The following CCDC60 variants were observed in gnomAD, a reference collection of about 807,000 sequenced individuals.
CCDC60 encodes the protein coiled-coil domain containing 60, also known as coiled-coil domain-containing protein 60.
A neutral mutation model predicts 63.5 loss-of-function variants in CCDC60; 54 were observed. The observed-to-expected ratio is 0.85, with a 90% CI of 0.68 to 1.07. The LOEUF is 1.07. Among genes scored for constraint, CCDC60 ranks in the 50% least tolerant of loss-of-function variants. The probability of loss-of-function intolerance (pLI) is 0.00; values close to 1 mark genes in which losing one functional copy is unlikely to be tolerated. For synonymous variants in CCDC60, 206 were observed against 238.8 expected (o/e 0.86, Z 1.27); for missense variants, 651 against 684.3 (o/e 0.95, Z 0.54).
At chr12:119,349,953 C>T (rs901009499) in intron 1 of CCDC60, among the ~76,000 whole-genome samples, 2 of 152,126 alleles carry the variant, frequency 1.3e-5, no homozygotes, top group African/African-American at 2.4e-5. Context: ...GGGTGACAGC[C>T]ACTCTAGTAG....
At chr12:119,436,904 G>C (rs1950336899) in intron 2 of CCDC60, among the ~76,000 whole-genome samples, 1 of 152,124 alleles carries the variant, frequency 6.6e-6, no homozygotes, top group Non-Finnish European at 1.5e-5. Context: ...AAAATCTCCA[G>C]TTCTTCTCTC....
chr12:119,474,857 A>C (rs907286329), intron 3 of CCDC60, among the ~76,000 whole-genome samples: 1 of 152,170 alleles, frequency 6.6e-6, no homozygotes, highest in Non-Finnish European at 1.5e-5. Context: ...AGGAAAAAAA[A>C]GAAAAATATA....
chr12:119,510,122 C>A (rs1038768594), intron 7 of CCDC60, among the ~76,000 whole-genome samples: 5 of 152,192 alleles, frequency 3.3e-5, no homozygotes, highest in African/African-American at 1.2e-4. Context: ...CCTTTACCCA[C>A]TTACTTTTCT....
intron 5 of CCDC60, among the ~76,000 whole-genome samples, chr12:119,494,930 G>A (rs149943621): frequency 0.011 from 1,694 of 152,278 alleles, 33 homozygotes; most frequent in African/African-American, 0.039. Flanking sequence ...GCGGTGAGCC[G>A]AGATCATGCC....
Position 119,530,508 on chromosome 12 carries a change from C to T in CCDC60, c.1362-366C>T, listed in dbSNP as rs73219488. On this transcript the variant is annotated intron_variant, in intron 12 of 13. Transcript: ENST00000327554. ...TGAGAGCCTCCAGCATCCTAGTAGA[C>T]ATCCCAAAGATGTGTGTACATCAAC... Among the ~76,000 whole-genome samples the T allele has an allele frequency of 7.8e-3, 1,192 of 152,254 alleles. 9 individuals are homozygous for T. Among genetic ancestry groups the T allele is most frequent in the Non-Finnish European group, 0.013 (862 of 68,012 alleles).
intron 11 of CCDC60, chr12:119,524,279 C>G (rs1490629675): frequency 5.8e-6 from 1 of 171,008 alleles, no homozygotes; most frequent in South Asian, 1.9e-4. Flanking sequence ...GGCTGCATCA[C>G]GCAAGCCACA....
At chr12:119,397,257 T>C (rs1048167413) in intron 1 of CCDC60, among the ~76,000 whole-genome samples, 2 of 152,190 alleles carry the variant, frequency 1.3e-5, no homozygotes, top group Admixed American at 1.3e-4. Context: ...TTCCATGATC[T>C]GAAAAGGGAC....
intron 11 of CCDC60, 66 bp from the exon 12 acceptor site, chr12:119,528,549 G>T (rs1330874552): frequency 6.5e-7 from 1 of 1,527,330 alleles, no homozygotes; most frequent in Non-Finnish European, 8.9e-7. Flanking sequence ...ATCTCAAAGG[G>T]CAGCTAAGAT....
intron 1 of CCDC60, among the ~76,000 whole-genome samples, chr12:119,361,609 G>A (rs1955791845): frequency 6.6e-6 from 1 of 152,170 alleles, no homozygotes; most frequent in Non-Finnish European, 1.5e-5. Flanking sequence ...AGAGACCAGG[G>A]TTACCCACAT....
chr12:119,517,411 C>T (rs1952384449), intron 8 of CCDC60, among the ~76,000 whole-genome samples: 1 of 152,160 alleles, frequency 6.6e-6, no homozygotes, highest in African/African-American at 2.4e-5. Flanking sequence ...CATGTATGGG[C>T]TGTGTACTCA....
chr12:119,533,805 A>G (rs1085094), intron 13 of CCDC60, among the ~76,000 whole-genome samples: 49,780 of 151,846 alleles, frequency 0.33, 8,485 homozygotes, highest in African/African-American at 0.44. Context: ...AGTACCATGC[A>G]GTTTTGGTTA....
intron 11 of CCDC60, among the ~76,000 whole-genome samples, chr12:119,524,067 A>C (rs1952610110): frequency 6.6e-6 from 1 of 152,186 alleles, no homozygotes; most frequent in Admixed American, 6.5e-5. Flanking sequence ...GATAGAGAGC[A>C]TAGGTACCTA....
Position 119,525,320 on chromosome 12 carries a change from C to T in CCDC60, c.1229+1502C>T, listed in dbSNP as rs115143612. ...CAGACAACTCCTGCAAGATTCTATA[C>T]AAGAAGATCATCCCCAAGACACATA... is the stretch of plus-strand genomic sequence containing the variant. On this transcript the variant is annotated intron_variant, in intron 11 of 13. Coordinates refer to ENST00000327554, the MANE Select transcript of CCDC60 (RefSeq NM_178499.5). Among the ~76,000 whole-genome samples, 783 of 152,234 alleles carry T rather than the reference C, an allele frequency of 5.1e-3. 4 individuals are homozygous for T. Among genetic ancestry groups the T allele is most frequent in the African/African-American group, 0.018 (756 of 41,530 alleles).
At chr12:119,464,000 T>A (rs1950905840) in intron 2 of CCDC60, among the ~76,000 whole-genome samples, 1 of 151,692 alleles carries the variant, frequency 6.6e-6, no homozygotes, top group Non-Finnish European at 1.5e-5. Flanking sequence ...CCTCTCTCCC[T>A]TCCTTACTTC....
chr12:119,470,121 TCAC>T (rs1951028405), intron 2 of CCDC60, among the ~76,000 whole-genome samples: 1 of 152,188 alleles, frequency 6.6e-6, no homozygotes. Flanking sequence ...ATCATCAGAC[TCAC>T]CTTTTTGCAT....
At chr12:119,423,016 G>A (rs1181083822) in intron 1 of CCDC60, among the ~76,000 whole-genome samples, 1 of 152,274 alleles carries the variant, frequency 6.6e-6, no homozygotes, top group South Asian at 2.1e-4. Flanking sequence ...TGTTACCGGG[G>A]TAGGGAGACA....
At chr12:119,498,845 T>C (rs1033703214) in intron 5 of CCDC60, among the ~76,000 whole-genome samples, 2 of 152,204 alleles carry the variant, frequency 1.3e-5, no homozygotes, top group African/African-American at 2.4e-5. Context: ...AGATCACACG[T>C]TGAGACTCCC....
chr12:119,434,558 A>G (rs1424941952), intron 2 of CCDC60, among the ~76,000 whole-genome samples: 1 of 152,228 alleles, frequency 6.6e-6, no homozygotes, highest in Non-Finnish European at 1.5e-5. Context: ...TGATGTATAA[A>G]TAGTGGTGTT....
chr12:119,394,563 C>T (rs1255991519), intron 1 of CCDC60, among the ~76,000 whole-genome samples: 1 of 152,170 alleles, frequency 6.6e-6, no homozygotes, highest in Non-Finnish European at 1.5e-5. Context: ...AGAATGAATA[C>T]CCCCATGGAT....
Sources: gnomAD v4.1 joint callset for allele counts (sites outside exome capture counted in the v4.1 genomes callset) on GRCh38, gnomAD v4.1.1 for gene constraint, MANE v1.5 for transcripts, NCBI Gene and HGNC (gene_info 2026-07-23, HGNC 2026-07-21) for gene names.